The following CNTN5 variants were observed in gnomAD, a reference collection of about 807,000 sequenced individuals.
CNTN5 encodes contactin-5.
A neutral mutation model predicts 129.1 loss-of-function variants in CNTN5; 77 were observed. The ratio of observed to expected loss-of-function variants is 0.60; its 90% confidence interval spans 0.50 to 0.72. The LOEUF (loss-of-function observed/expected upper bound fraction) is 0.72. Among genes scored for constraint, CNTN5 ranks in the 30% least tolerant of loss-of-function variants. CNTN5 has a pLI of 0.00. For missense variants in CNTN5, 1,478 were observed against 1,328.8 expected (o/e 1.11, Z -1.75); for synonymous variants, 509 against 465.6 (o/e 1.09, Z -1.20).
At chr11:100,314,891 G>C (rs1951547535) in intron 21 of CNTN5, among the ~76,000 whole-genome samples, 3 of 151,996 alleles carry the variant, frequency 2.0e-5, no homozygotes, top group South Asian at 4.1e-4. Flanking sequence ...CTTTCTGTAT[G>C]TTTCATTTGA....
rs187879243 is a variant in CNTN5, at chr11:99,068,987, G to A, written c.-210+47717G>A. Among the ~76,000 whole-genome samples, 5 of 152,186 alleles carry A rather than the reference G, an allele frequency of 3.3e-5. No homozygotes were observed. The East Asian group carries it at 9.7e-4, about 29-fold the overall frequency. On this transcript the variant is annotated intron_variant, in intron 1 of 24. Coordinates refer to ENST00000524871, the MANE Select transcript of CNTN5 (RefSeq NM_014361.4). ...CCTTGTGTTAGCCACAGTTCCAGGA[G>A]AGATTTCCCCACCTTGTCTGGCATC... is the stretch of plus-strand genomic sequence containing the variant.
chr11:99,513,462 A>G (rs1322583258), intron 2 of CNTN5, among the ~76,000 whole-genome samples: 1 of 152,152 alleles, frequency 6.6e-6, no homozygotes, highest in Non-Finnish European at 1.5e-5. Flanking sequence ...GATGCCGTCT[A>G]GGACTTTCAT....
intron 18 of CNTN5, among the ~76,000 whole-genome samples, chr11:100,294,882 C>T (rs1951070665): frequency 6.6e-6 from 1 of 151,462 alleles, no homozygotes; most frequent in Non-Finnish European, 1.5e-5. Context: ...TGTGTGCCAC[C>T]AACTTGAAAA....
At position 99,845,864 on chromosome 11, in the gene CNTN5, G is replaced by GA. The variant is rs997808227; in HGVS notation, c.577+611dup. 2.9e-4 allele frequency among the ~76,000 whole-genome samples: 43 copies of GA among 149,644 alleles called. No individual in the cohort carries two copies. The South Asian group carries it at 3.8e-3, about 13-fold the overall frequency. ...TGAGTTCAAATTAAGCTTCCTATGAGAAAAAAAAATGATAATCCAAATTTC... is the reference window on the plus strand; with the variant it reads ...TGAGTTCAAATTAAGCTTCCTATGAGAAAAAAAAAATGATAATCCAAATTTC... On this transcript the variant is annotated intron_variant, in intron 6 of 24. Transcript: ENST00000524871.
intron 9 of CNTN5, among the ~76,000 whole-genome samples, chr11:100,033,545 TCATGAACTACAGTA>T (rs1459002965): frequency 4.6e-5 from 7 of 152,284 alleles, no homozygotes; most frequent in Admixed American, 1.3e-4. Context: ...CTCTTACCCT[TCATGAACTACAGTA>T]CATGGTCCAT....
chr11:99,655,419 A>T (rs1952318656), intron 3 of CNTN5, among the ~76,000 whole-genome samples: 1 of 152,120 alleles, frequency 6.6e-6, no homozygotes, highest in Non-Finnish European at 1.5e-5. Context: ...GGACAATTCC[A>T]GTTCTATAGC....
At chr11:100,085,757 A>G (rs528496578) in intron 13 of CNTN5, among the ~76,000 whole-genome samples, 6 of 152,142 alleles carry the variant, frequency 3.9e-5, no homozygotes, top group Non-Finnish European at 8.8e-5. Context: ...CACACTCGTA[A>G]CAAGTAACAG....
intron 3 of CNTN5, among the ~76,000 whole-genome samples, chr11:99,578,898 C>T (rs11501221): frequency 0.088 from 13,440 of 152,030 alleles, 964 homozygotes; most frequent in African/African-American, 0.19. Context: ...ACATGAAGTC[C>T]TTGCCCATGC....
chr11:99,480,981 A>T (rs752746043), intron 2 of CNTN5, among the ~76,000 whole-genome samples: 9 of 152,150 alleles, frequency 5.9e-5, no homozygotes, highest in Non-Finnish European at 1.2e-4. Context: ...TATGTCCTTG[A>T]AACTTTTGAG....
At chr11:99,534,754 A>C (rs1016572096) in intron 2 of CNTN5, among the ~76,000 whole-genome samples, 2 of 152,218 alleles carry the variant, frequency 1.3e-5, no homozygotes, top group Admixed American at 1.3e-4. Flanking sequence ...TGGGATTACC[A>C]TTCTACAGGG....
chr11:100,089,694 G>A (rs897111731), intron 13 of CNTN5, among the ~76,000 whole-genome samples: 3 of 152,186 alleles, frequency 2.0e-5, no homozygotes, highest in South Asian at 2.1e-4. Flanking sequence ...GTACATATAC[G>A]TCATGGAATA....
chr11:100,295,288 C>T (rs764482565), intron 18 of CNTN5, among the ~76,000 whole-genome samples: 19 of 151,500 alleles, frequency 1.3e-4, no homozygotes, highest in Middle Eastern at 6.8e-3. Context: ...AGTAGTAAAA[C>T]AAATGTTTTT....
At chr11:100,019,130 G>A (rs1213213434) in intron 9 of CNTN5, among the ~76,000 whole-genome samples, 1 of 151,758 alleles carries the variant, frequency 6.6e-6, no homozygotes. Flanking sequence ...TGTCTCAAAA[G>A]GTACAAGTTT....
chr11:99,969,012 C>T (rs1591499919), intron 8 of CNTN5, among the ~76,000 whole-genome samples: 2 of 151,978 alleles, frequency 1.3e-5, no homozygotes, highest in South Asian at 2.1e-4. Context: ...AAATTTTGGA[C>T]GATTTTTGAA....
intron 13 of CNTN5, among the ~76,000 whole-genome samples, chr11:100,095,537 C>T (rs927526775): frequency 3.9e-5 from 6 of 151,970 alleles, no homozygotes; most frequent in South Asian, 2.1e-4. Context: ...GGGTAATGTG[C>T]GTGGGTTCAT....
intron 1 of CNTN5, among the ~76,000 whole-genome samples, chr11:99,116,101 T>G (rs756031791): frequency 6.6e-6 from 1 of 152,228 alleles, no homozygotes; most frequent in Non-Finnish European, 1.5e-5. Flanking sequence ...TAGAATGAGG[T>G]TGCATTCATT....
intron 1 of CNTN5, among the ~76,000 whole-genome samples, chr11:99,083,524 G>C (rs1237734537): frequency 6.6e-6 from 1 of 152,046 alleles, no homozygotes; most frequent in Non-Finnish European, 1.5e-5. Flanking sequence ...TTCCTAATTA[G>C]TGTATAATAT....
chr11:100,167,420 G>A (rs1396150935), intron 13 of CNTN5, among the ~76,000 whole-genome samples: 1 of 151,766 alleles, frequency 6.6e-6, no homozygotes, highest in Non-Finnish European at 1.5e-5. Context: ...CTGTATTAAT[G>A]TATTCACTTA....
intron 1 of CNTN5, among the ~76,000 whole-genome samples, chr11:99,298,526 C>T (rs1015924556): frequency 6.6e-6 from 1 of 152,130 alleles, no homozygotes; most frequent in Admixed American, 6.5e-5. Context: ...AGCTAGGTTA[C>T]AGTTTAACCA....
Sources: allele counts gnomAD v4.1 joint callset (sites outside exome capture counted in the v4.1 genomes callset), GRCh38; gene constraint gnomAD v4.1.1; transcripts MANE v1.5; gene names NCBI Gene and HGNC (gene_info 2026-07-23, HGNC 2026-07-21).